ENTHD1: variants seen among roughly 807,000 people sequenced by gnomAD.
ENTHD1 encodes ENTH domain containing 1, also known as ENTH domain-containing protein 1.
In ENTHD1, 23 loss-of-function variants were observed where a neutral mutation model predicts 39.1. The ratio of observed to expected loss-of-function variants is 0.59; its 90% confidence interval spans 0.42 to 0.83. The LOEUF (loss-of-function observed/expected upper bound fraction) is 0.83. ENTHD1 is among the 40% of genes least tolerant of loss of function. The pLI is 0.00. For missense variants in ENTHD1, 624 were observed against 705.4 expected, an observed-to-expected ratio of 0.88 and a Z score of 1.31; for synonymous variants, 230 against 258.2, an observed-to-expected ratio of 0.89 and a Z score of 1.05.
chr22:39,875,165 A>G (rs2066277430), intron 2 of ENTHD1: 1 of 527,656 alleles, frequency 1.9e-6, no homozygotes, highest in Non-Finnish European at 2.8e-6. Context: ...TCTGATATAC[A>G]TAACAATATG....
rs558944402 is a variant in ENTHD1, at chr22:39,771,098, C to T, written c.833-5489G>A. Among the ~76,000 whole-genome samples, 3 of 151,640 alleles carry T rather than the reference C, an allele frequency of 2.0e-5. No individual in the cohort carries two copies. The South Asian group carries it at 6.2e-4, about 32-fold the overall frequency. ...TTAAGCTGTACTCTTTTTTTTTGCC[C>T]TTTCAGTTTTTAATACTTAATGTTT... On this transcript the variant is annotated intron_variant, in intron 5 of 6. Coordinates refer to ENST00000325157, the MANE Select transcript of ENTHD1 (RefSeq NM_152512.4).
At chr22:39,753,022 G>T (rs2146537003) in intron 6 of ENTHD1, among the ~76,000 whole-genome samples, 1 of 152,220 alleles carries the variant, frequency 6.6e-6, no homozygotes, top group Admixed American at 6.5e-5. Context: ...CACTTTCAAA[G>T]GTGGACTGAA....
At position 39,756,316 on chromosome 22, in the gene ENTHD1, T is replaced by TCTCA. The variant is rs1433242336; in HGVS notation, c.1219+8906_1219+8907insTGAG. ...CTCTCTCTCTCTCTCTCTCTCTCTC[T>TCTCA]CACACACACACACACACACACACGC... is the stretch of plus-strand genomic sequence containing the variant. On this transcript the variant is annotated intron_variant, in intron 6 of 6. Coordinates refer to ENST00000325157, the MANE Select transcript of ENTHD1 (RefSeq NM_152512.4). Among the ~76,000 whole-genome samples, 1,014 of 138,016 alleles carry TCTCA rather than the reference T, an allele frequency of 7.3e-3. 1 individual carries two copies. The highest frequency in any genetic ancestry group is 0.012 in the African/African-American group (438 of 36,192). The allele number at this position is 138,016 out of a possible 152,430, so 90.5% of individuals were successfully genotyped here.
chr22:39,887,575 C>A lies in ENTHD1; in HGVS notation c.174G>T (p.Trp58Cys). 1.2e-6 allele frequency: 2 copies of A among 1,614,132 alleles called. No individual in the cohort carries two copies. The highest frequency in any genetic ancestry group is 1.7e-6 in the Non-Finnish European group (2 of 1,180,028). The change falls in exon 2 of 7, where the codon TGG becomes TGT. Residue 58 changes from tryptophan (W) to cysteine (C), a missense_variant. Physicochemically the swap from Trp to Cys is radical, Grantham distance 215. Transcript: ENST00000325157. The stretch of plus-strand genomic sequence containing the variant: ...TCTTCCCATGGTCATTGAGTCTGTG[C>A]CACAGCATATTCATAATCTCTGAGA... ...ISLSEIMNML[W>C]HRLNDHGKNW...
intron 3 of ENTHD1, among the ~76,000 whole-genome samples, chr22:39,843,862 G>C (rs935270716): frequency 1.3e-5 from 2 of 152,158 alleles, no homozygotes; most frequent in Non-Finnish European, 2.9e-5. Flanking sequence ...ATTCAGTTGA[G>C]AGCCCACAGC....
intron 5 of ENTHD1, among the ~76,000 whole-genome samples, chr22:39,814,091 C>T (rs557091303): frequency 3.9e-5 from 6 of 151,966 alleles, no homozygotes; most frequent in East Asian, 3.9e-4. Flanking sequence ...GTCACTTCTC[C>T]GAATTGACTT....
intron 6 of ENTHD1, among the ~76,000 whole-genome samples, chr22:39,745,152 G>C (rs1268390521): frequency 2.0e-5 from 3 of 152,024 alleles, no homozygotes; most frequent in Non-Finnish European, 4.4e-5. Flanking sequence ...AGAAATCTTC[G>C]GTAATTTATT....
rs538829987 is a variant in ENTHD1 at position 39,828,340 on chromosome 22, T to TA, written c.712-7228dup. Among the ~76,000 whole-genome samples, 255 of 151,670 alleles carry TA rather than the reference T, an allele frequency of 1.7e-3. 1 individual carries two copies. The highest frequency in any genetic ancestry group is 2.6e-3 in the Admixed American group (39 of 15,244). ...AGTAACAAGAGTACAAGCATGAAAA[T>TA]AAAAAAAACCTTTTAAGCATAAAAC... On this transcript the variant is annotated intron_variant, in intron 4 of 6. Coordinates refer to ENST00000325157, the MANE Select transcript of ENTHD1 (RefSeq NM_152512.4).
intron 2 of ENTHD1, among the ~76,000 whole-genome samples, chr22:39,866,573 T>C (rs1057002810): frequency 2.0e-5 from 3 of 152,208 alleles, no homozygotes; most frequent in Non-Finnish European, 4.4e-5. Flanking sequence ...GCACAGACAT[T>C]AGGGCAGAGT....
chr22:39,824,706 C>A (rs1243457597), intron 4 of ENTHD1, among the ~76,000 whole-genome samples: 1 of 152,082 alleles, frequency 6.6e-6, no homozygotes, highest in Non-Finnish European at 1.5e-5. Context: ...GCACCTTTGT[C>A]AAAAATCAGT....
intron 2 of ENTHD1, chr22:39,875,154 T>C (rs2066277313): frequency 4.2e-6 from 2 of 478,466 alleles, no homozygotes; most frequent in Non-Finnish European, 6.4e-6. Context: ...ACAAATGATA[T>C]TCTGATATAC....
Position 39,788,944 on chromosome 22 carries a change from G to T in ENTHD1, c.833-23335C>A, listed in dbSNP as rs559791889. On this transcript the variant is annotated intron_variant, in intron 5 of 6. Coordinates refer to ENST00000325157, the MANE Select transcript of ENTHD1 (RefSeq NM_152512.4). ...ATTGTATTTTACATATAATGCTACT[G>T]CACATTAGTAGACTGTAGTATGGTG... Among the ~76,000 whole-genome samples, 6 of 152,290 alleles carry T rather than the reference G, an allele frequency of 3.9e-5. No homozygotes were observed. In the South Asian group the frequency reaches 1.2e-3, roughly 32 times the overall value.
chr22:39,757,734 T>C (rs2065196255), intron 6 of ENTHD1, among the ~76,000 whole-genome samples: 1 of 152,032 alleles, frequency 6.6e-6, no homozygotes, highest in Non-Finnish European at 1.5e-5. Context: ...GTTGTTGATA[T>C]GGTTTGACTG....
intron 5 of ENTHD1, among the ~76,000 whole-genome samples, chr22:39,767,455 T>C (rs2065285735): frequency 6.6e-6 from 1 of 151,978 alleles, no homozygotes; most frequent in African/African-American, 2.4e-5. Flanking sequence ...GAGACCCCAT[T>C]TCTATGAAAA....
chr22:39,777,214 C>T (rs1166178308), intron 5 of ENTHD1, among the ~76,000 whole-genome samples: 1 of 152,160 alleles, frequency 6.6e-6, no homozygotes, highest in Non-Finnish European at 1.5e-5. Flanking sequence ...AGAGGGGTGA[C>T]TTAAATTGCT....
At chr22:39,816,938 ATCTC>A (rs1179730495) in intron 5 of ENTHD1, among the ~76,000 whole-genome samples, 4 of 151,856 alleles carry the variant, frequency 2.6e-5, no homozygotes, top group Admixed American at 6.6e-5. Context: ...TCTGATATAT[ATCTC>A]TATATATATA....
At chr22:39,886,835 G>C (rs977355147) in intron 2 of ENTHD1, among the ~76,000 whole-genome samples, 2 of 151,998 alleles carry the variant, frequency 1.3e-5, no homozygotes, top group Non-Finnish European at 2.9e-5. Context: ...CTTCCATCTA[G>C]ATAGTCTTTG....
intron 2 of ENTHD1, among the ~76,000 whole-genome samples, chr22:39,870,224 G>A (rs566910078): frequency 6.2e-4 from 95 of 152,014 alleles, no homozygotes; most frequent in Non-Finnish European, 1.1e-3. Context: ...GGCCAGGCTG[G>A]TCTTCAACTC....
rs73888164 is a variant in ENTHD1 at position 39,747,346 on chromosome 22, G to A, written c.1220-3063C>T. Among the ~76,000 whole-genome samples the A allele has an allele frequency of 6.5e-3, 984 of 152,126 alleles. 12 individuals carry two copies. The highest frequency in any genetic ancestry group is 0.023 in the African/African-American group (941 of 41,498). The stretch of plus-strand genomic sequence containing the variant: ...CAGATGGAGTAGGTTTTATAACCCC[G>A]TTTCAAATATGAGGCAAGGGAATCT... On this transcript the variant is annotated intron_variant, in intron 6 of 6. Coordinates refer to ENST00000325157, the MANE Select transcript of ENTHD1 (RefSeq NM_152512.4).
Sources: gnomAD v4.1 joint callset for allele counts (sites outside exome capture counted in the v4.1 genomes callset) on GRCh38, gnomAD v4.1.1 for gene constraint, MANE v1.5 for transcripts, NCBI Gene and HGNC (gene_info 2026-07-23, HGNC 2026-07-21) for gene names.